Variants in MBNL2 observed in about 807,000 individuals in gnomAD.
MBNL2 encodes muscleblind like splicing regulator 2, also known as muscleblind-like protein 2.
Under a neutral mutation model 41.9 loss-of-function variants are expected in MBNL2, and 17 were observed. The ratio of observed to expected loss-of-function variants is 0.41; its 90% confidence interval spans 0.28 to 0.61. MBNL2 has a LOEUF of 0.61. MBNL2 is among the 20% of genes least tolerant of loss of function. The pLI is 0.35. For synonymous variants in MBNL2, 195 were observed against 182.9 expected, an observed-to-expected ratio of 1.07 and a Z score of -0.53; for missense variants, 336 against 505.6, an observed-to-expected ratio of 0.66 and a Z score of 3.22.
chr13:97,266,880 C>A (rs1295668416), intron 1 of MBNL2, among the ~76,000 whole-genome samples: 1 of 152,148 alleles, frequency 6.6e-6, no homozygotes, highest in Admixed American at 6.5e-5. Context: ...ATAATGAGTT[C>A]TTGACTGTCT....
chr13:97,361,067 G>C (rs762708175), intron 7 of MBNL2, among the ~76,000 whole-genome samples: 2 of 152,166 alleles, frequency 1.3e-5, no homozygotes, highest in African/African-American at 4.8e-5. Flanking sequence ...GGGTTCCAGA[G>C]CCAGTAATGA....
rs76811877 is a variant in MBNL2, at chr13:97,373,319, G to A, written c.1048+8148G>A. On this transcript the variant is annotated intron_variant, in intron 8 of 8. Coordinates refer to ENST00000679496, the MANE Select transcript of MBNL2 (RefSeq NM_001382683.1). The stretch of plus-strand genomic sequence containing the variant: ...TTGCTTACATTCTAACTGTAGAGGG[G>A]GGATTCAGGTTGGAGAATGGATGTG... 4.3e-4 allele frequency among the ~76,000 whole-genome samples: 65 copies of A among 152,220 alleles called. 3 individuals are homozygous for A. The East Asian group carries it at 0.012, about 28-fold the overall frequency.
intron 1 of MBNL2, among the ~76,000 whole-genome samples, chr13:97,230,066 G>A (rs751936277): frequency 3.3e-5 from 5 of 152,226 alleles, no homozygotes; most frequent in Non-Finnish European, 7.3e-5. Flanking sequence ...GGTAGGCCAA[G>A]GTGGGTGGAT....
intron 2 of MBNL2, among the ~76,000 whole-genome samples, chr13:97,308,427 CT>C (rs1295805251): frequency 6.6e-6 from 1 of 152,214 alleles, no homozygotes; most frequent in African/African-American, 2.4e-5. Context: ...GGTCATCCCT[CT>C]GGCCATCTGG....
At chr13:97,328,820 T>A (rs2060131985) in intron 2 of MBNL2, among the ~76,000 whole-genome samples, 1 of 152,230 alleles carries the variant, frequency 6.6e-6, no homozygotes, top group South Asian at 2.1e-4. Context: ...CTATGTTTTC[T>A]TTTTTGTGCC....
chr13:97,172,710 T>C, the MBNL2 span: 15 of 152,306 alleles, frequency 9.8e-5, no homozygotes, highest in African/African-American at 3.6e-4. Flanking sequence ...AGAGGACACC[T>C]TTCACACCTG....
chr13:97,173,895 G>C, the MBNL2 span, among the ~76,000 whole-genome samples: 2 of 152,258 alleles, frequency 1.3e-5, no homozygotes, highest in East Asian at 3.9e-4. Flanking sequence ...CCGGGTTGAT[G>C]TTAGGGCCCT....
Position 97,380,901 on chromosome 13 carries a change from C to T in MBNL2, c.1049-10421C>T, listed in dbSNP as rs914224429. Among the ~76,000 whole-genome samples the T allele has an allele frequency of 4.6e-5, 7 of 152,226 alleles. No homozygotes were observed. In the East Asian group the frequency reaches 1.2e-3, roughly 25 times the overall value. ...CCTGGCTTAACTACTTACCGCACTG[C>T]AGAGGTGCCAGCGTGATACAAGCCA... On this transcript the variant is annotated intron_variant, in intron 8 of 8. Coordinates refer to ENST00000679496, the MANE Select transcript of MBNL2 (RefSeq NM_001382683.1).
the MBNL2 span, among the ~76,000 whole-genome samples, chr13:97,162,439 CT>C: frequency 6.6e-6 from 1 of 152,194 alleles, no homozygotes. Context: ...GCAAAGTAAC[CT>C]CTCATAGGTG....
chr13:97,301,252 C>T (rs568202225), intron 2 of MBNL2, among the ~76,000 whole-genome samples: 3 of 152,266 alleles, frequency 2.0e-5, no homozygotes, highest in East Asian at 3.9e-4. Flanking sequence ...GGCATTTTGC[C>T]TGCGTTACTC....
the MBNL2 span, among the ~76,000 whole-genome samples, chr13:97,208,299 A>G: frequency 6.6e-6 from 1 of 152,198 alleles, no homozygotes; most frequent in African/African-American, 2.4e-5. Context: ...TTTAGCAGGA[A>G]AACGATGAGA....
chr13:97,227,151 T>C (rs557164474), intron 1 of MBNL2, among the ~76,000 whole-genome samples: 1 of 152,230 alleles, frequency 6.6e-6, no homozygotes, highest in Admixed American at 6.5e-5. Flanking sequence ...TAGTGTGTAT[T>C]CTCTGGGCAC....
rs1375240700 is a variant in MBNL2 at position 97,392,935 on chromosome 13, C to T, written c.*1486C>T. 1 of 152,364 alleles carries T rather than the reference C, an allele frequency of 6.6e-6. No homozygotes were observed. Among genetic ancestry groups the T allele is most frequent in the African/African-American group, 2.4e-5 (1 of 41,404 alleles). 9.4% of individuals were successfully genotyped at this position (152,364 alleles called of 1,614,324 possible). A position where few individuals can be genotyped will look rare whatever the true frequency, so the allele number is the denominator to read the frequency against. On this transcript the variant is annotated 3_prime_UTR_variant, in exon 9 of 9. Transcript: ENST00000679496. ...AATATTTTAAATTTGGGATCATCGC[C>T]TGTTCTGAAAACTAGATGCACCAAC...
chr13:97,214,988 G>A, the MBNL2 span, among the ~76,000 whole-genome samples: 2 of 152,236 alleles, frequency 1.3e-5, no homozygotes, highest in African/African-American at 4.8e-5. Flanking sequence ...CCCATCAACT[G>A]TGGGCAGATC....
At chr13:97,203,042 G>C in the MBNL2 span, among the ~76,000 whole-genome samples, 1 of 152,176 alleles carries the variant, frequency 6.6e-6, no homozygotes, top group Non-Finnish European at 1.5e-5. Context: ...CTTTGGGGAG[G>C]AGTGACATGA....
At chr13:97,359,689 G>T (rs1175923948) in intron 7 of MBNL2, among the ~76,000 whole-genome samples, 1 of 152,092 alleles carries the variant, frequency 6.6e-6, no homozygotes, top group Non-Finnish European at 1.5e-5. Flanking sequence ...AGTGTGTCTG[G>T]CAACCCTCAA....
At chr13:97,250,227 ATAT>A (rs2046261473) in intron 1 of MBNL2, among the ~76,000 whole-genome samples, 1 of 151,982 alleles carries the variant, frequency 6.6e-6, no homozygotes, top group Non-Finnish European at 1.5e-5. Context: ...ATGTTTCTCT[ATAT>A]TGTGTAAAAA....
chr13:97,197,703 C>T, the MBNL2 span, among the ~76,000 whole-genome samples: 1 of 152,004 alleles, frequency 6.6e-6, no homozygotes, highest in African/African-American at 2.4e-5. Flanking sequence ...ATTTCTAATT[C>T]CTCTAATTTT....
the MBNL2 span, among the ~76,000 whole-genome samples, chr13:97,216,394 T>TAAC: frequency 9.0e-3 from 1,364 of 151,780 alleles, 21 homozygotes; most frequent in African/African-American, 0.032. Flanking sequence ...ATACATGAAA[T>TAAC]AACTAGAAAA....
Sources: gnomAD v4.1 joint callset for allele counts (sites outside exome capture counted in the v4.1 genomes callset) on GRCh38, gnomAD v4.1.1 for gene constraint, MANE v1.5 for transcripts, NCBI Gene and HGNC (gene_info 2026-07-23, HGNC 2026-07-21) for gene names.